Variants in RC3H2 observed in about 807,000 individuals in gnomAD.
RC3H2 encodes the protein ring finger and CCCH-type domains 2.
RC3H2 carries 31 observed loss-of-function variants against 133.3 expected under a neutral mutation model. The observed-to-expected ratio is 0.23, with a 90% CI of 0.17 to 0.31. RC3H2 has a LOEUF of 0.31. Ranked by LOEUF, RC3H2 falls within the 10% of genes least tolerant of loss-of-function variation. RC3H2 has a pLI of 1.00. For missense variants in RC3H2, 1,175 were observed against 1,437.2 expected, an observed-to-expected ratio of 0.82 and a Z score of 2.95; for synonymous variants, 517 against 502.2, an observed-to-expected ratio of 1.03 and a Z score of -0.40.
chr9:122,862,057 A>G (rs1830475749), intron 10 of RC3H2, among the ~76,000 whole-genome samples: 1 of 152,230 alleles, frequency 6.6e-6, no homozygotes, highest in Non-Finnish European at 1.5e-5. Flanking sequence ...CTCCATGTCA[A>G]AATGTTATAT....
intron 7 of RC3H2, 46 bp from the exon 8 acceptor site, chr9:122,879,919 T>A: frequency 6.2e-7 from 1 of 1,610,778 alleles, no homozygotes. Context: ...GGAAGAATGT[T>A]AGCAGTAATT....
chr9:122,888,707 AC>A (rs1832035677), intron 4 of RC3H2, among the ~76,000 whole-genome samples: 2 of 152,166 alleles, frequency 1.3e-5, no homozygotes, highest in Admixed American at 1.3e-4. Flanking sequence ...AGGATATACC[AC>A]AGTTTATTAT....
intron 5 of RC3H2, 99 bp from the exon 6 acceptor site, chr9:122,880,893 T>C: frequency 1.3e-6 from 1 of 779,198 alleles, no homozygotes; most frequent in Non-Finnish European, 2.2e-6. Context: ...GATACTTACA[T>C]ATCAGACACC....
intron 2 of RC3H2, 123 bp downstream of exon 2, chr9:122,897,156 G>A: frequency 1.3e-6 from 1 of 750,780 alleles, no homozygotes; most frequent in Non-Finnish European, 2.2e-6. Flanking sequence ...ATGAATTTGT[G>A]TTGGGCCGCA....
chr9:122,892,659 C>T (rs1443695928), intron 3 of RC3H2, among the ~76,000 whole-genome samples: 4 of 152,196 alleles, frequency 2.6e-5, no homozygotes, highest in Non-Finnish European at 5.9e-5. Context: ...GATCCGCCCG[C>T]GCTGGCCTCC....
chr9:122,868,227 C>A (rs1204795437), intron 9 of RC3H2, among the ~76,000 whole-genome samples: 1 of 152,196 alleles, frequency 6.6e-6, no homozygotes, highest in Non-Finnish European at 1.5e-5. Flanking sequence ...GGCCACCACC[C>A]CGTCTGGGAG....
rs1271865048 is a variant in RC3H2, at chr9:122,847,010, A to G, written c.*2617T>C. On this transcript the variant is annotated 3_prime_UTR_variant, in exon 21 of 21. Transcript: ENST00000357244. ...TAATCTCAACACAGAAACAATTCCT[A>G]TGTTGTTAGTGAAAAAGAGAGTAAG... is the stretch of plus-strand genomic sequence containing the variant. 2.0e-5 allele frequency: 3 copies of G among 152,172 alleles called. No homozygotes were observed. The highest frequency in any genetic ancestry group is 4.4e-5 in the Non-Finnish European group (3 of 67,996). The allele number at this position is 152,172 out of a possible 1,614,324, so 9.4% of individuals were successfully genotyped here.
intron 9 of RC3H2, among the ~76,000 whole-genome samples, chr9:122,868,761 T>A (rs923164594): frequency 6.6e-6 from 1 of 151,032 alleles, no homozygotes; most frequent in Non-Finnish European, 1.5e-5. Context: ...AATAAATAAA[T>A]AAATAAAAAG....
chr9:122,858,965 G>C lies in RC3H2; in HGVS notation c.1987C>G (p.Pro663Ala). The C allele has an allele frequency of 6.2e-7, 1 of 1,614,210 alleles. No homozygotes were observed. Among genetic ancestry groups the C allele is most frequent in the Non-Finnish European group, 8.5e-7 (1 of 1,180,028 alleles). Reference protein sequence around the residue: ...PYADHYSTFSPRDRMNSSPYQ... With the variant: ...PYADHYSTFSARDRMNSSPYQ... ...GGAGAAGAATTCATTCGATCTCGAG[G>C]GGAAAATGTACTGTAATGATCGGCA... is the stretch of plus-strand genomic sequence containing the variant. Residue 663 changes from proline (P) to alanine (A), a missense_variant, in exon 12 of 21, where the codon CCT (proline) becomes GCT (alanine). Around this residue, in one of 8 missense-constraint regions of RC3H2, gnomAD observed 490 missense variants for 492.8 expected, o/e 0.99. Transcript: ENST00000357244.
At chr9:122,885,155 A>G (rs1388259538) in intron 4 of RC3H2, among the ~76,000 whole-genome samples, 1 of 152,220 alleles carries the variant, frequency 6.6e-6, no homozygotes, top group Non-Finnish European at 1.5e-5. Flanking sequence ...ATAAGACAGT[A>G]TCCTTGTTTT....
In RC3H2 at chr9:122,854,622, A is replaced by T. The variant is rs1287325682; in HGVS notation, c.2816-7T>A. 7 of 1,586,850 alleles carry T rather than the reference A, an allele frequency of 4.4e-6. No individual in the cohort carries two copies. Among genetic ancestry groups the T allele is most frequent in the Non-Finnish European group, 6.1e-6 (7 of 1,155,148 alleles). On this transcript the variant is annotated splice_polypyrimidine_tract_variant and splice_region_variant and intron_variant, in intron 15 of 20. Coordinates refer to ENST00000357244, the MANE Select transcript of RC3H2 (RefSeq NM_001100588.3). Reference sequence around the variant, plus strand: ...TTGACATAAGGGACATAATCTACAGACATGTAGAATGAAACAATGGTCAAA... The same window carrying T: ...TTGACATAAGGGACATAATCTACAGTCATGTAGAATGAAACAATGGTCAAA...
chr9:122,902,162 C>T (rs1832681567), intron 1 of RC3H2, among the ~76,000 whole-genome samples: 1 of 151,962 alleles, frequency 6.6e-6, no homozygotes. Flanking sequence ...AACTCCTGAC[C>T]TCAGGTGATC....
At chr9:122,887,212 T>C (rs1289519687) in intron 4 of RC3H2, among the ~76,000 whole-genome samples, 2 of 152,202 alleles carry the variant, frequency 1.3e-5, no homozygotes, top group Non-Finnish European at 2.9e-5. Context: ...AATGTATTAT[T>C]AGTTTGAATT....
intron 4 of RC3H2, among the ~76,000 whole-genome samples, chr9:122,886,607 T>C (rs1831923960): frequency 6.6e-6 from 1 of 152,226 alleles, no homozygotes; most frequent in Non-Finnish European, 1.5e-5. Context: ...GAGGATCACT[T>C]GAAGCCAGAA....
At chr9:122,861,816 C>T (rs1830466796) in intron 10 of RC3H2, among the ~76,000 whole-genome samples, 2 of 152,044 alleles carry the variant, frequency 1.3e-5, no homozygotes, top group African/African-American at 2.4e-5. Flanking sequence ...CTATGTGTAA[C>T]TGTATATTAA....
At chr9:122,856,201 AATAC>A (rs1259382077) in intron 13 of RC3H2, among the ~76,000 whole-genome samples, 1 of 152,192 alleles carries the variant, frequency 6.6e-6, no homozygotes, top group Admixed American at 6.5e-5. Flanking sequence ...AGAGAAAACA[AATAC>A]ATAGATACAC....
At position 122,851,978 on chromosome 9, in the gene RC3H2, C is replaced by T. The variant is rs868342701; in HGVS notation, c.3118-542G>A. Among the ~76,000 whole-genome samples the T allele has an allele frequency of 1.9e-4, 28 of 149,518 alleles. 1 individual carries two copies. In the Middle Eastern group the frequency reaches 0.011, roughly 58 times the overall value. On this transcript the variant is annotated intron_variant, in intron 18 of 20. Transcript: ENST00000357244. Reference sequence around the variant, plus strand: ...CGCCCATCGTCTGGGATGTGAGGAGCCCCTCTGCCTGGCTGCCCAGTCTGG... The same window carrying T: ...CGCCCATCGTCTGGGATGTGAGGAGTCCCTCTGCCTGGCTGCCCAGTCTGG...
intron 9 of RC3H2, among the ~76,000 whole-genome samples, chr9:122,868,837 ATATGTGTGTG>A (rs1336886021): frequency 1.1e-3 from 140 of 122,918 alleles, no homozygotes; most frequent in South Asian, 4.0e-3. Flanking sequence ...ATTCCCTCCT[ATATGTGTGTG>A]TGTGTGTGTG....
intron 18 of RC3H2, 176 bp downstream of exon 18, chr9:122,853,776 A>G: frequency 6.9e-7 from 1 of 1,440,926 alleles, no homozygotes; most frequent in South Asian, 1.4e-5. Flanking sequence ...TGATCTAGTT[A>G]AAGAATTATT....
Sources: gnomAD v4.1 joint callset for allele counts (sites outside exome capture counted in the v4.1 genomes callset) on GRCh38, gnomAD v4.1.1 for gene constraint, gnomAD v4.1.1 regional missense constraint, MANE v1.5 for transcripts, NCBI Gene and HGNC (gene_info 2026-07-23, HGNC 2026-07-21) for gene names.